FMN1: variants seen among roughly 807,000 people sequenced by gnomAD.
FMN1 encodes formin-1.
FMN1 carries 110 observed loss-of-function variants against 132.4 expected under a neutral mutation model. The observed-to-expected ratio is 0.83, with a 90% confidence interval of 0.71 to 0.97. The LOEUF is 0.97. Ranked by LOEUF, FMN1 falls within the 50% of genes least tolerant of loss-of-function variation. FMN1 has a pLI of 0.00. For synonymous variants in FMN1, 722 were observed against 651.7 expected (o/e 1.11, Z -1.64); for missense variants, 1,792 against 1,705.3 (o/e 1.05, Z -0.90).
At chr15:32,825,773 C>T (rs1468972697) in intron 17 of FMN1, among the ~76,000 whole-genome samples, 1 of 152,164 alleles carries the variant, frequency 6.6e-6, no homozygotes, top group African/African-American at 2.4e-5. Context: ...ATACAGTTGT[C>T]TGTTTAGGAT....
At chr15:32,857,834 C>T (rs74011870) in intron 16 of FMN1, among the ~76,000 whole-genome samples, 3,456 of 152,278 alleles carry the variant, frequency 0.023, 119 homozygotes, top group African/African-American at 0.073. Flanking sequence ...AGGGAAGCCA[C>T]AGTAAATCAT....
At chr15:33,128,623 A>C (rs1963358334) in intron 4 of FMN1, among the ~76,000 whole-genome samples, 1 of 152,220 alleles carries the variant, frequency 6.6e-6, no homozygotes, top group Admixed American at 6.5e-5. Flanking sequence ...CTTTGCGGCA[A>C]GTGTTACAGC....
chr15:33,140,341 T>A (rs1566948181), intron 4 of FMN1, among the ~76,000 whole-genome samples: 2 of 139,564 alleles, frequency 1.4e-5, no homozygotes, highest in African/African-American at 5.0e-5. Context: ...AAAATAAAGT[T>A]ACCCTTGAAC....
At chr15:33,032,926 G>C (rs1364245305) in intron 6 of FMN1, among the ~76,000 whole-genome samples, 1 of 152,168 alleles carries the variant, frequency 6.6e-6, no homozygotes, top group Non-Finnish European at 1.5e-5. Context: ...TCATTGTGAG[G>C]TTTAGAGTTA....
intron 9 of FMN1, among the ~76,000 whole-genome samples, chr15:32,945,290 A>G (rs1367641171): frequency 2.0e-5 from 3 of 152,148 alleles, no homozygotes; most frequent in Non-Finnish European, 4.4e-5. Flanking sequence ...CCCTTTCAGA[A>G]TATCAATCTC....
At chr15:33,175,792 T>C (rs1965493666) in intron 3 of FMN1, among the ~76,000 whole-genome samples, 1 of 152,166 alleles carries the variant, frequency 6.6e-6, no homozygotes, top group African/African-American at 2.4e-5. Context: ...TCCAAGAAAT[T>C]CTCACCCATA....
chr15:32,944,947 G>C (rs2061477577), intron 9 of FMN1, among the ~76,000 whole-genome samples: 1 of 152,188 alleles, frequency 6.6e-6, no homozygotes, highest in Admixed American at 6.5e-5. Context: ...GACAGAACCA[G>C]AGCTACCAAA....
chr15:33,059,343 C>G (rs1028306066), intron 6 of FMN1, among the ~76,000 whole-genome samples: 2 of 152,168 alleles, frequency 1.3e-5, no homozygotes, highest in African/African-American at 4.8e-5. Context: ...GTGAATAGTT[C>G]TACAATGAAC....
chr15:33,108,749 TTCA>T (rs1411667517), intron 4 of FMN1, among the ~76,000 whole-genome samples: 1 of 152,124 alleles, frequency 6.6e-6, no homozygotes, highest in Non-Finnish European at 1.5e-5. Flanking sequence ...TTTTCCTTGA[TTCA>T]TTAGATGGTC....
chr15:33,185,226 T>C (rs1965839197), intron 2 of FMN1, among the ~76,000 whole-genome samples: 2 of 152,156 alleles, frequency 1.3e-5, no homozygotes. Context: ...GTTTTGGAGG[T>C]TGTCAATAAA....
intron 2 of FMN1, among the ~76,000 whole-genome samples, chr15:33,185,590 T>TAC (rs1965856497): frequency 2.3e-5 from 3 of 133,242 alleles, no homozygotes; most frequent in Non-Finnish European, 4.8e-5. Context: ...TTTTTTTTTT[T>TAC]ACACAGAGTT....
At chr15:32,870,207 ACT>A (rs1349772302) in intron 16 of FMN1, among the ~76,000 whole-genome samples, 2 of 151,986 alleles carry the variant, frequency 1.3e-5, no homozygotes, top group Admixed American at 1.3e-4. Flanking sequence ...TTTCAAGAAA[ACT>A]CCCAAAGCCA....
In FMN1 at chr15:32,988,834, T is replaced by TC. The variant is rs146768728; in HGVS notation, c.2223+19179dup. Reference sequence around the variant, plus strand: ...AAGACCAACTCTTTTACCCTTTAGCTCCCCATCTATAAAATGAACAGGTTT... The same window carrying TC: ...AAGACCAACTCTTTTACCCTTTAGCTCCCCCATCTATAAAATGAACAGGTTT... On this transcript the variant is annotated intron_variant, in intron 7 of 20. Coordinates refer to ENST00000616417, the MANE Select transcript of FMN1 (RefSeq NM_001277313.2). Among the ~76,000 whole-genome samples the TC allele has an allele frequency of 2.8e-3, 426 of 152,310 alleles. 3 individuals carry two copies. The highest frequency in any genetic ancestry group is 9.3e-3 in the African/African-American group (386 of 41,570).
intron 3 of FMN1, among the ~76,000 whole-genome samples, chr15:33,169,722 C>T (rs1159949054): frequency 6.8e-6 from 1 of 146,786 alleles, no homozygotes; most frequent in Non-Finnish European, 1.5e-5. Context: ...TTATAAAAAG[C>T]CTTTTTTTTT....
At chr15:33,074,678 T>G (rs1168112277) in intron 5 of FMN1, among the ~76,000 whole-genome samples, 1 of 152,144 alleles carries the variant, frequency 6.6e-6, no homozygotes, top group Non-Finnish European at 1.5e-5. Flanking sequence ...AGTGGGTATG[T>G]AATCTTGTGA....
At chr15:33,018,764 G>A (rs1411464575) in intron 6 of FMN1, among the ~76,000 whole-genome samples, 1 of 152,158 alleles carries the variant, frequency 6.6e-6, no homozygotes, top group African/African-American at 2.4e-5. Context: ...ATGTTCGGAT[G>A]TGTTCGGAGT....
At chr15:33,053,715 A>G (rs981344398) in intron 6 of FMN1, among the ~76,000 whole-genome samples, 2 of 152,188 alleles carry the variant, frequency 1.3e-5, no homozygotes, top group South Asian at 4.1e-4. Flanking sequence ...TGTATTATAA[A>G]GAATACAAAT....
intron 17 of FMN1, among the ~76,000 whole-genome samples, chr15:32,839,190 G>A (rs1018023854): frequency 1.3e-5 from 2 of 152,122 alleles, no homozygotes; most frequent in African/African-American, 4.8e-5. Context: ...GCTTCTCACA[G>A]GCAGCTTCGG....
At chr15:32,884,557 TCA>T (rs1596174477) in intron 16 of FMN1, among the ~76,000 whole-genome samples, 1 of 152,194 alleles carries the variant, frequency 6.6e-6, no homozygotes, top group South Asian at 2.1e-4. Flanking sequence ...GGCAACATGT[TCA>T]CAGATTCTAG....
Sources: allele counts gnomAD v4.1 joint callset (sites outside exome capture counted in the v4.1 genomes callset), GRCh38; gene constraint gnomAD v4.1.1; transcripts MANE v1.5; gene names NCBI Gene and HGNC (gene_info 2026-07-23, HGNC 2026-07-21).